The following SLC16A10 variants were observed in gnomAD, a reference collection of about 807,000 sequenced individuals.
The protein encoded by SLC16A10 is monocarboxylate transporter 10.
SLC16A10 carries 27 observed loss-of-function variants against 40.0 expected under a neutral mutation model. The observed-to-expected ratio is 0.67, with a 90% CI of 0.50 to 0.93. The LOEUF (loss-of-function observed/expected upper bound fraction) is 0.93. Among genes scored for constraint, SLC16A10 ranks in the 40% least tolerant of loss-of-function variants. The pLI is 0.00. For missense variants in SLC16A10, 529 were observed against 658.2 expected, an observed-to-expected ratio of 0.80 and a Z score of 2.15; for synonymous variants, 213 against 249.8, an observed-to-expected ratio of 0.85 and a Z score of 1.39.
chr6:111,205,981 G>A (rs1160287592), intron 3 of SLC16A10, among the ~76,000 whole-genome samples: 1 of 152,076 alleles, frequency 6.6e-6, no homozygotes, highest in African/African-American at 2.4e-5. Flanking sequence ...GAACAGGTAT[G>A]TTCAAATGTC....
At chr6:111,148,561 G>A (rs759923175) in intron 1 of SLC16A10, among the ~76,000 whole-genome samples, 68 of 152,208 alleles carry the variant, frequency 4.5e-4, no homozygotes, top group Non-Finnish European at 7.8e-4. Context: ...GTCTATGTGG[G>A]TTGATATGTT....
chr6:111,169,919 C>CTTTTTTTTTTTTT (rs60561269), intron 1 of SLC16A10, among the ~76,000 whole-genome samples: 2 of 135,114 alleles, frequency 1.5e-5, no homozygotes, highest in Non-Finnish European at 1.6e-5. Context: ...TCTTTTCTTT[C>CTTTTTTTTTTTTT]TTTTTTTTTT....
intron 1 of SLC16A10, among the ~76,000 whole-genome samples, chr6:111,172,403 T>C (rs1250231249): frequency 6.6e-6 from 1 of 152,188 alleles, no homozygotes; most frequent in African/African-American, 2.4e-5. Context: ...GAATCTGACT[T>C]CTGATTCTCA....
rs1028041785 is a variant in SLC16A10, at chr6:111,226,436, A to C, written c.*4201A>C. 2.0e-5 allele frequency: 3 copies of C among 152,200 alleles called. No individual in the cohort carries two copies. The highest frequency in any genetic ancestry group is 7.2e-5 in the African/African-American group (3 of 41,434). The allele number at this position is 152,200 out of a possible 1,614,324, so 9.4% of individuals were successfully genotyped here. A position where few individuals can be genotyped will look rare whatever the true frequency, so the allele number is the denominator to read the frequency against. The stretch of plus-strand genomic sequence containing the variant: ...TTAGAGATACAAGTAGAAATGCATA[A>C]GCTAATTAGCTCCAATTTTATAATA... On this transcript the variant is annotated 3_prime_UTR_variant, in exon 6 of 6. Transcript: ENST00000368851.
chr6:111,106,688 C>T (rs1447118049), intron 1 of SLC16A10, among the ~76,000 whole-genome samples: 2 of 152,148 alleles, frequency 1.3e-5, no homozygotes, highest in African/African-American at 2.4e-5. Context: ...TTAGAACTGT[C>T]AAAACTGATC....
In SLC16A10 at chr6:111,166,315, G is replaced by A. The variant is rs188803126; in HGVS notation, c.344-6380G>A. ...CCTTCCCAGTTCAATTTTAAGCCAA[G>A]CAGTTTAAGGTTTGGGGATACTAAA... On this transcript the variant is annotated intron_variant, in intron 1 of 5. Transcript: ENST00000368851. Among the ~76,000 whole-genome samples, 44 of 120,970 alleles carry A rather than the reference G, an allele frequency of 3.6e-4. No individual in the cohort carries two copies. The Admixed American group carries it at 3.7e-3, about 10-fold the overall frequency. The allele number at this position is 120,970 out of a possible 152,430, so 79.4% of individuals were successfully genotyped here.
In SLC16A10 at chr6:111,230,869, A is replaced by G. The variant is rs1373090279; in HGVS notation, c.*8634A>G. On this transcript the variant is annotated 3_prime_UTR_variant, in exon 6 of 6. Coordinates refer to ENST00000368851, the MANE Select transcript of SLC16A10 (RefSeq NM_018593.5). ...ACCAAAGCCAAATTATTCCAAGTGT[A>G]TGCTATACACCGCAGTGCAGCTCTG... 1 of 152,216 alleles carries G rather than the reference A, an allele frequency of 6.6e-6. No individual in the cohort carries two copies. Among genetic ancestry groups the G allele is most frequent in the African/African-American group, 2.4e-5 (1 of 41,460 alleles). 9.4% of individuals were successfully genotyped at this position (152,216 alleles called of 1,614,324 possible). A position where few individuals can be genotyped will look rare whatever the true frequency, so the allele number is the denominator to read the frequency against.
chr6:111,091,175 C>CT (rs1307537180), intron 1 of SLC16A10: 32 of 152,132 alleles, frequency 2.1e-4, no homozygotes, highest in African/African-American at 6.5e-4. Context: ...TTATCTGACT[C>CT]TAAGAGCTGG....
At chr6:111,113,902 T>C (rs1443319460) in intron 1 of SLC16A10, among the ~76,000 whole-genome samples, 1 of 152,144 alleles carries the variant, frequency 6.6e-6, no homozygotes. Context: ...TCTCAGTGCC[T>C]GCGTGGCTGA....
chr6:111,203,340 T>C (rs1390869312), intron 3 of SLC16A10, among the ~76,000 whole-genome samples: 1 of 152,198 alleles, frequency 6.6e-6, no homozygotes, highest in African/African-American at 2.4e-5. Context: ...AAAGAAACTT[T>C]TTTAGTTTGC....
At chr6:111,174,720 G>T (rs1185678888) in intron 2 of SLC16A10, among the ~76,000 whole-genome samples, 1 of 152,142 alleles carries the variant, frequency 6.6e-6, no homozygotes, top group Non-Finnish European at 1.5e-5. Context: ...AGTACTTGTG[G>T]CTCTACCACT....
chr6:111,122,728 G>A (rs1225235392), intron 1 of SLC16A10, among the ~76,000 whole-genome samples: 1 of 152,116 alleles, frequency 6.6e-6, no homozygotes. Flanking sequence ...ATTATTGAGG[G>A]GAGTGGGGGT....
chr6:111,168,090 A>G (rs1772511600), intron 1 of SLC16A10, among the ~76,000 whole-genome samples: 1 of 151,602 alleles, frequency 6.6e-6, no homozygotes. Context: ...AGCGATTCTC[A>G]TTACTCAGCC....
rs962036801 is a variant in SLC16A10 at position 111,231,010 on chromosome 6, A to T, written c.*8775A>T. 3 of 152,156 alleles carry T rather than the reference A, an allele frequency of 2.0e-5. No individual in the cohort carries two copies. The highest frequency in any genetic ancestry group is 1.9e-4 in the East Asian group (1 of 5,202). The allele number at this position is 152,156 out of a possible 1,614,324, so 9.4% of individuals were successfully genotyped here. A position where few individuals can be genotyped will look rare whatever the true frequency, so the allele number is the denominator to read the frequency against. ...AGTATGCAGTATTTTAGTACTTTTT[A>T]AAAAATGTATGCTTCTTTTTGAAGA... On this transcript the variant is annotated 3_prime_UTR_variant, in exon 6 of 6. Coordinates refer to ENST00000368851, the MANE Select transcript of SLC16A10 (RefSeq NM_018593.5).
intron 1 of SLC16A10, among the ~76,000 whole-genome samples, chr6:111,094,737 A>G (rs1771043131): frequency 6.6e-6 from 1 of 152,112 alleles, no homozygotes; most frequent in Non-Finnish European, 1.5e-5. Context: ...TTCTAAGCTC[A>G]AGCAATCCTC....
chr6:111,210,720 G>A (rs965105971), intron 4 of SLC16A10, among the ~76,000 whole-genome samples: 4 of 152,146 alleles, frequency 2.6e-5, no homozygotes, highest in Non-Finnish European at 4.4e-5. Context: ...TGAAAGCCAG[G>A]ATGAAGAGAC....
chr6:111,091,933 G>A (rs1318112580), intron 1 of SLC16A10, among the ~76,000 whole-genome samples: 1 of 152,160 alleles, frequency 6.6e-6, no homozygotes, highest in Non-Finnish European at 1.5e-5. Flanking sequence ...AAGTAGCTTA[G>A]GATCTGTTGT....
chr6:111,166,586 G>A (rs745866004), intron 1 of SLC16A10, among the ~76,000 whole-genome samples: 1 of 152,222 alleles, frequency 6.6e-6, no homozygotes, highest in Non-Finnish European at 1.5e-5. Flanking sequence ...GCAGGTTGGA[G>A]CTACCAAAGG....
At chr6:111,211,727 C>T (rs1773349303) in intron 4 of SLC16A10, among the ~76,000 whole-genome samples, 1 of 152,220 alleles carries the variant, frequency 6.6e-6, no homozygotes, top group Non-Finnish European at 1.5e-5. Flanking sequence ...CCCTTATTCA[C>T]TACCTCCTCT....
Sources: gnomAD v4.1 joint callset for allele counts (sites outside exome capture counted in the v4.1 genomes callset) on GRCh38, gnomAD v4.1.1 for gene constraint, MANE v1.5 for transcripts, NCBI Gene and HGNC (gene_info 2026-07-23, HGNC 2026-07-21) for gene names.